The following RAD18 variants were observed in gnomAD, a reference collection of about 807,000 sequenced individuals.
RAD18 encodes the protein RAD18 E3 ubiquitin protein ligase.
A neutral mutation model predicts 60.4 loss-of-function variants in RAD18; 47 were observed. The observed-to-expected ratio is 0.78, with a 90% confidence interval of 0.62 to 0.99. RAD18 has a LOEUF of 0.99. Among genes scored for constraint, RAD18 ranks in the 50% least tolerant of loss-of-function variants. The pLI, the probability that RAD18 is intolerant of heterozygous loss-of-function variation, is 0.00. For synonymous variants in RAD18, 225 were observed against 195.5 expected, an observed-to-expected ratio of 1.15 and a Z score of -1.26; for missense variants, 640 against 593.3, an observed-to-expected ratio of 1.08 and a Z score of -0.82.
At chr3:8,934,479 C>T (rs1029994240) in intron 7 of RAD18, among the ~76,000 whole-genome samples, 8 of 152,002 alleles carry the variant, frequency 5.3e-5, no homozygotes, top group African/African-American at 1.9e-4. Context: ...TCCAGATGGC[C>T]AACAAGCATA....
chr3:8,950,912 G>A (rs1045850207), intron 2 of RAD18, among the ~76,000 whole-genome samples: 4 of 152,078 alleles, frequency 2.6e-5, no homozygotes, highest in Admixed American at 6.5e-5. Flanking sequence ...GATTGAACAC[G>A]GCTGAGGAAT....
At chr3:8,945,512 G>A (rs142663534) in intron 4 of RAD18, among the ~76,000 whole-genome samples, 40 of 121,776 alleles carry the variant, frequency 3.3e-4, no homozygotes, top group African/African-American at 5.9e-4. Flanking sequence ...TTACTCTGTC[G>A]CCAGGCTGGA....
At chr3:8,911,709 G>A (rs1189170553) in intron 9 of RAD18, among the ~76,000 whole-genome samples, 1 of 152,172 alleles carries the variant, frequency 6.6e-6, no homozygotes, top group African/African-American at 2.4e-5. Context: ...AACATACCAT[G>A]CCTGGGAATA....
intron 11 of RAD18, among the ~76,000 whole-genome samples, chr3:8,895,881 A>G (rs1028419945): frequency 6.6e-6 from 1 of 152,240 alleles, no homozygotes; most frequent in African/African-American, 2.4e-5. Flanking sequence ...CATGCTATAC[A>G]TGCTGTTCCG....
At chr3:8,885,259 A>AT (rs1212852920) in intron 12 of RAD18, among the ~76,000 whole-genome samples, 3 of 152,194 alleles carry the variant, frequency 2.0e-5, no homozygotes, top group Admixed American at 6.5e-5. Flanking sequence ...CCTTTTATTC[A>AT]TTTTTTTAAA....
intron 7 of RAD18, among the ~76,000 whole-genome samples, chr3:8,928,257 A>G (rs1032590108): frequency 1.3e-5 from 2 of 152,142 alleles, no homozygotes; most frequent in Admixed American, 1.3e-4. Flanking sequence ...TCCAAAAAAA[A>G]GCAGGAAATG....
intron 11 of RAD18, among the ~76,000 whole-genome samples, 196 bp from the exon 12 acceptor site, chr3:8,890,647 A>G (rs1012430753): frequency 2.0e-5 from 3 of 152,150 alleles, no homozygotes; most frequent in African/African-American, 7.2e-5. Context: ...GGAGAGGAGG[A>G]GCAAAGGCCA....
At chr3:8,927,300 C>CATGA (rs1940459005) in intron 7 of RAD18, among the ~76,000 whole-genome samples, 1 of 152,158 alleles carries the variant, frequency 6.6e-6, no homozygotes, top group South Asian at 2.1e-4. Context: ...CCAAAAGACA[C>CATGA]ATGAAAAAAT....
At chr3:8,890,910 T>A (rs1188120891) in intron 11 of RAD18, among the ~76,000 whole-genome samples, 1 of 152,158 alleles carries the variant, frequency 6.6e-6, no homozygotes, top group Non-Finnish European at 1.5e-5. Flanking sequence ...TTACCTGATG[T>A]GCTTAAGGTA....
intron 11 of RAD18, among the ~76,000 whole-genome samples, chr3:8,896,446 A>T (rs939905257): frequency 2.0e-5 from 3 of 152,216 alleles, no homozygotes; most frequent in African/African-American, 7.2e-5. Flanking sequence ...AGAAGAAAGC[A>T]TTATATCTGA....
chr3:8,899,588 C>T (rs929229835), intron 10 of RAD18, among the ~76,000 whole-genome samples: 1 of 152,180 alleles, frequency 6.6e-6, no homozygotes, highest in South Asian at 2.1e-4. Context: ...ATACACATCA[C>T]ATTTCCGTGC....
At chr3:8,898,776 T>A (rs1325903378) in intron 11 of RAD18, 118 bp downstream of exon 11, 3 of 888,002 alleles carry the variant, frequency 3.4e-6, no homozygotes, top group Non-Finnish European at 4.9e-6. Flanking sequence ...GGGACTGAAA[T>A]GTAAGAGTGA....
rs868535961 is a variant in RAD18, at chr3:8,902,534, G to T, written c.1028-14C>A. 2 of 1,592,178 alleles carry T rather than the reference G, an allele frequency of 1.3e-6. No homozygotes were observed. The highest frequency in any genetic ancestry group is 1.7e-6 in the Non-Finnish European group (2 of 1,170,152). On this transcript the variant is annotated splice_polypyrimidine_tract_variant and intron_variant, in intron 9 of 12. Transcript: ENST00000264926. ...TATGTTTTTTACCTGAAATTCAAAA[G>T]ATCTTCTCAGTAAAGCTAGGACTAT...
At chr3:8,963,002 A>T (rs1347799826) in intron 1 of RAD18, among the ~76,000 whole-genome samples, 1 of 152,238 alleles carries the variant, frequency 6.6e-6, no homozygotes, top group Non-Finnish European at 1.5e-5. Flanking sequence ...TTAGTGCTTG[A>T]CACAAAGTAA....
intron 6 of RAD18, among the ~76,000 whole-genome samples, chr3:8,939,278 T>C (rs747895159): frequency 2.5e-4 from 38 of 152,258 alleles, no homozygotes; most frequent in Admixed American, 1.7e-3. Flanking sequence ...AAAACAAGTT[T>C]AAAAAGAATT....
intron 9 of RAD18, among the ~76,000 whole-genome samples, chr3:8,905,136 T>C (rs1939981274): frequency 6.6e-6 from 1 of 152,226 alleles, no homozygotes; most frequent in Admixed American, 6.5e-5. Context: ...GAGTTTAAAA[T>C]CTCAGTTCTG....
chr3:8,907,692 T>G (rs1940036318), intron 9 of RAD18, among the ~76,000 whole-genome samples: 1 of 152,164 alleles, frequency 6.6e-6, no homozygotes, highest in Non-Finnish European at 1.5e-5. Context: ...TGGTGCAGCT[T>G]CAGGGAAAGA....
chr3:8,940,713 T>C (rs775657494), intron 5 of RAD18, among the ~76,000 whole-genome samples: 1 of 152,218 alleles, frequency 6.6e-6, no homozygotes, highest in Non-Finnish European at 1.5e-5. Context: ...TATAGCACTT[T>C]TGTGATGTGA....
chr3:8,902,502 T>C lies in RAD18; in HGVS notation c.1046A>G (p.Glu349Gly). The C allele has an allele frequency of 1.9e-6, 3 of 1,604,010 alleles. No individual in the cohort carries two copies. The highest frequency in any genetic ancestry group is 2.5e-6 in the Non-Finnish European group (3 of 1,176,974). The part of the protein sequence containing the change: ...HSKYRKKHKS[E>G]FQLLVDQARK... ...AGCCTGATCCACCAGAAGCTGAAAT[T>C]CACTCTTATGTTTTTTACCTGAAAT... is the stretch of plus-strand genomic sequence containing the variant. Residue 349 changes from glutamate (E) to glycine (G), a missense_variant, in exon 10 of 13, where the codon GAA (glutamate) becomes GGA (glycine). Transcript: ENST00000264926.
Sources: gnomAD v4.1 joint callset for allele counts (sites outside exome capture counted in the v4.1 genomes callset) on GRCh38, gnomAD v4.1.1 for gene constraint, MANE v1.5 for transcripts, NCBI Gene and HGNC (gene_info 2026-07-23, HGNC 2026-07-21) for gene names.